Variants in NFIB observed in about 807,000 individuals in gnomAD.
NFIB encodes nuclear factor 1 B-type.
In NFIB, 11 loss-of-function variants were observed where a neutral mutation model predicts 61.5. The ratio of observed to expected loss-of-function variants is 0.18; its 90% CI spans 0.11 to 0.30. The LOEUF (loss-of-function observed/expected upper bound fraction) is 0.30. Among genes scored for constraint, NFIB ranks in the 10% least tolerant of loss-of-function variants. NFIB has a pLI of 1.00. For missense variants in NFIB, 471 were observed against 608.9 expected, an observed-to-expected ratio of 0.77 and a Z score of 2.38; for synonymous variants, 260 against 216.5, an observed-to-expected ratio of 1.20 and a Z score of -1.76.
At chr9:14,465,192 C>T in the NFIB span, among the ~76,000 whole-genome samples, 1 of 152,186 alleles carries the variant, frequency 6.6e-6, no homozygotes, top group Non-Finnish European at 1.5e-5. Flanking sequence ...AAATTACCTT[C>T]CACCCCCTTA....
At chr9:14,438,178 T>C in the NFIB span, among the ~76,000 whole-genome samples, 1 of 152,082 alleles carries the variant, frequency 6.6e-6, no homozygotes, top group African/African-American at 2.4e-5. Context: ...GTACCAAGGA[T>C]TGCTCATATA....
chr9:14,200,309 C>G (rs1053011855), intron 2 of NFIB, among the ~76,000 whole-genome samples: 4 of 152,154 alleles, frequency 2.6e-5, no homozygotes, highest in African/African-American at 9.7e-5. Flanking sequence ...CTGTTTTCAT[C>G]AGAAGTTTCT....
intron 1 of NFIB, among the ~76,000 whole-genome samples, chr9:14,364,819 A>C (rs1451487744): frequency 6.6e-6 from 1 of 152,218 alleles, no homozygotes; most frequent in Non-Finnish European, 1.5e-5. Flanking sequence ...GGAGTTTTCT[A>C]GTAAAAACAT....
At chr9:14,410,532 C>G in the NFIB span, among the ~76,000 whole-genome samples, 5 of 152,096 alleles carry the variant, frequency 3.3e-5, no homozygotes, top group Admixed American at 2.0e-4. Context: ...CTCTGGTAAC[C>G]TCCTAAAAAT....
chr9:14,160,840 A>AAAAC (rs904938602), intron 3 of NFIB, among the ~76,000 whole-genome samples: 2 of 149,804 alleles, frequency 1.3e-5, no homozygotes, highest in African/African-American at 4.9e-5. Flanking sequence ...TCAAAAAAAA[A>AAAAC]AAAAAAAAAA....
the NFIB span, among the ~76,000 whole-genome samples, chr9:14,415,905 T>A: frequency 6.6e-6 from 1 of 152,128 alleles, no homozygotes; most frequent in Admixed American, 6.5e-5. Context: ...CACTGAGCCA[T>A]GAGCAAATCT....
intron 7 of NFIB, among the ~76,000 whole-genome samples, chr9:14,125,347 G>A (rs1424805173): frequency 2.0e-5 from 3 of 151,986 alleles, no homozygotes; most frequent in Non-Finnish European, 4.4e-5. Flanking sequence ...TAGTAGAGAC[G>A]GGGTTCCACC....
At chr9:14,160,811 T>A (rs1176075850) in intron 3 of NFIB, among the ~76,000 whole-genome samples, 1 of 141,230 alleles carries the variant, frequency 7.1e-6, no homozygotes, top group African/African-American at 2.7e-5. Context: ...ATAAAAATTC[T>A]TGCTTTGTGA....
chr9:14,346,111 G>T (rs2061015001), intron 1 of NFIB, among the ~76,000 whole-genome samples: 1 of 152,090 alleles, frequency 6.6e-6, no homozygotes, highest in Non-Finnish European at 1.5e-5. Context: ...GCCACGGGAA[G>T]GGGGGCGCGC....
At chr9:14,101,182 T>C (rs2035727201) in intron 10 of NFIB, among the ~76,000 whole-genome samples, 1 of 152,174 alleles carries the variant, frequency 6.6e-6, no homozygotes, top group Non-Finnish European at 1.5e-5. Context: ...TATCTTCTTT[T>C]TATAAGCATA....
chr9:14,437,373 A>G, the NFIB span, among the ~76,000 whole-genome samples: 2 of 152,172 alleles, frequency 1.3e-5, no homozygotes, highest in Non-Finnish European at 2.9e-5. Flanking sequence ...TTCCCTGCCT[A>G]TGGCAACACA....
the NFIB span, among the ~76,000 whole-genome samples, chr9:14,451,076 C>A: frequency 2.0e-5 from 3 of 152,188 alleles, no homozygotes; most frequent in African/African-American, 7.2e-5. Flanking sequence ...CTCGGTGAAG[C>A]CTGAATCCAG....
chr9:14,373,875 C>T (rs751433924), intron 1 of NFIB, among the ~76,000 whole-genome samples: 3 of 152,080 alleles, frequency 2.0e-5, no homozygotes, highest in Non-Finnish European at 4.4e-5. Flanking sequence ...GGGTTAAGCC[C>T]TAAAGCAAGG....
chr9:14,292,372 T>G (rs2059160490), intron 2 of NFIB, among the ~76,000 whole-genome samples: 1 of 152,188 alleles, frequency 6.6e-6, no homozygotes, highest in African/African-American at 2.4e-5. Context: ...CTATTGGACT[T>G]TGAAATGAGC....
At chr9:14,239,163 T>C (rs762105035) in intron 2 of NFIB, among the ~76,000 whole-genome samples, 1 of 152,228 alleles carries the variant, frequency 6.6e-6, no homozygotes, top group Non-Finnish European at 1.5e-5. Flanking sequence ...CTCCATCATT[T>C]AACCAAAAAG....
At chr9:14,462,260 CTTTTTTCTT>C in the NFIB span, among the ~76,000 whole-genome samples, 10 of 151,752 alleles carry the variant, frequency 6.6e-5, no homozygotes, top group African/African-American at 1.2e-4. Context: ...GTATGGTATT[CTTTTTTCTT>C]TTTTTTCTTT....
At chr9:14,102,700 A>G (rs1400466531) in intron 10 of NFIB, among the ~76,000 whole-genome samples, 4 of 152,186 alleles carry the variant, frequency 2.6e-5, no homozygotes, top group Non-Finnish European at 5.9e-5. Flanking sequence ...TCTTTTTTAG[A>G]AAAAGCTATT....
intron 3 of NFIB, among the ~76,000 whole-genome samples, chr9:14,175,525 T>C (rs1251921578): frequency 1.3e-5 from 2 of 152,162 alleles, no homozygotes; most frequent in Non-Finnish European, 2.9e-5. Context: ...CTATCATTAA[T>C]AGATAATCCT....
the NFIB span, among the ~76,000 whole-genome samples, chr9:14,528,419 T>A: frequency 2.6e-5 from 4 of 152,152 alleles, no homozygotes; most frequent in African/African-American, 7.2e-5. Flanking sequence ...AGCAGACTGA[T>A]TGGTGTTCAA....
Sources: gnomAD v4.1 joint callset for allele counts (sites outside exome capture counted in the v4.1 genomes callset) on GRCh38, gnomAD v4.1.1 for gene constraint, MANE v1.5 for transcripts, NCBI Gene and HGNC (gene_info 2026-07-23, HGNC 2026-07-21) for gene names.